The following TBC1D5 variants were observed in gnomAD, a reference collection of about 807,000 sequenced individuals.
The protein encoded by TBC1D5 is TBC1 domain family, member 5.
Under a neutral mutation model 100.3 loss-of-function variants are expected in TBC1D5, and 75 were observed. That is an observed-to-expected ratio of 0.75 (90% CI 0.62 to 0.91). The LOEUF (loss-of-function observed/expected upper bound fraction) is 0.91. Among genes scored for constraint, TBC1D5 ranks in the 40% least tolerant of loss-of-function variants. The probability of loss-of-function intolerance (pLI) is 0.00; values close to 1 mark genes in which losing one functional copy is unlikely to be tolerated. For synonymous variants in TBC1D5, 323 were observed against 325.6 expected, an observed-to-expected ratio of 0.99 and a Z score of 0.09; for missense variants, 910 against 942.4, an observed-to-expected ratio of 0.97 and a Z score of 0.45.
intron 13 of TBC1D5, among the ~76,000 whole-genome samples, chr3:17,358,535 C>T (rs575922254): frequency 1.6e-4 from 24 of 152,120 alleles, no homozygotes; most frequent in Non-Finnish European, 2.8e-4. Context: ...CTCCCATTGA[C>T]ATAATTAGGT....
chr3:17,224,801 T>G (rs1261472242), intron 17 of TBC1D5, among the ~76,000 whole-genome samples: 1 of 152,112 alleles, frequency 6.6e-6, no homozygotes, highest in Admixed American at 6.6e-5. Context: ...CACCCAGAGG[T>G]TTCTTTTGCA....
chr3:17,684,231 T>C (rs1274701786), intron 1 of TBC1D5, among the ~76,000 whole-genome samples: 3 of 152,086 alleles, frequency 2.0e-5, no homozygotes, highest in Non-Finnish European at 4.4e-5. Context: ...AATCCATGTA[T>C]ATAAATCAAA....
chr3:17,160,017 G>A (rs2065900275), exon 22 of TBC1D5: 2 of 152,182 alleles, frequency 1.3e-5, no homozygotes, highest in Admixed American at 6.5e-5. Flanking sequence ...GGTATATACA[G>A]CTCTGAAACC....
intron 13 of TBC1D5, among the ~76,000 whole-genome samples, chr3:17,326,906 T>C (rs2086225480): frequency 6.6e-6 from 1 of 152,074 alleles, no homozygotes; most frequent in South Asian, 2.1e-4. Flanking sequence ...AACCTTGGAG[T>C]CTTCATTGAT....
At chr3:17,563,547 C>A (rs2096573049) in intron 2 of TBC1D5, among the ~76,000 whole-genome samples, 1 of 152,092 alleles carries the variant, frequency 6.6e-6, no homozygotes. Context: ...CTGGAATTAT[C>A]AAAGTACATT....
At chr3:17,564,404 T>C (rs2096580926) in intron 2 of TBC1D5, among the ~76,000 whole-genome samples, 2 of 152,184 alleles carry the variant, frequency 1.3e-5, no homozygotes, top group African/African-American at 4.8e-5. Flanking sequence ...CTGAAAACAT[T>C]GGAGGCAAAA....
chr3:17,672,595 T>C (rs570141994), intron 1 of TBC1D5: 45 of 152,322 alleles, frequency 3.0e-4, no homozygotes, highest in African/African-American at 9.9e-4. Flanking sequence ...AAGATTTTTA[T>C]GTTTTTTTGT....
At chr3:17,310,779 CAT>C (rs1193887429) in intron 13 of TBC1D5, among the ~76,000 whole-genome samples, 3 of 151,952 alleles carry the variant, frequency 2.0e-5, no homozygotes, top group Admixed American at 6.6e-5. Flanking sequence ...ATAAGTTGTA[CAT>C]GAGAGGATAT....
intron 16 of TBC1D5, among the ~76,000 whole-genome samples, chr3:17,247,885 C>T (rs1055817899): frequency 5.3e-5 from 8 of 152,132 alleles, no homozygotes; most frequent in African/African-American, 1.9e-4. Flanking sequence ...TCTTCTATTA[C>T]AGTTTTATCA....
chr3:17,687,706 C>T (rs966910672), intron 1 of TBC1D5, among the ~76,000 whole-genome samples: 1 of 152,164 alleles, frequency 6.6e-6, no homozygotes, highest in East Asian at 1.9e-4. Flanking sequence ...ACATTGCAGG[C>T]AGCAGGAAGA....
At chr3:17,460,257 G>A (rs963758531) in intron 3 of TBC1D5, among the ~76,000 whole-genome samples, 2 of 152,158 alleles carry the variant, frequency 1.3e-5, no homozygotes, top group African/African-American at 4.8e-5. Context: ...AGCTTCAGAA[G>A]AGAAATTGAT....
chr3:17,455,454 GTGTGTATATATATGTGTA>G, intron 3 of TBC1D5, among the ~76,000 whole-genome samples: 1 of 145,652 alleles, frequency 6.9e-6, no homozygotes, highest in East Asian at 2.0e-4. Context: ...ATATATATGT[GTGTGTATATATATGTGTA>G]TATATATGTA....
At chr3:17,540,905 CAAAAA>C (rs71634807) in intron 2 of TBC1D5, among the ~76,000 whole-genome samples, 3 of 31,462 alleles carry the variant, frequency 9.5e-5, no homozygotes, top group East Asian at 2.0e-3. Context: ...GGCTCCATCT[CAAAAA>C]AAAAAAAAAA....
intron 1 of TBC1D5, among the ~76,000 whole-genome samples, chr3:17,647,263 A>T (rs1188491392): frequency 6.6e-6 from 1 of 152,140 alleles, no homozygotes; most frequent in Non-Finnish European, 1.5e-5. Flanking sequence ...AACCACAGAA[A>T]ACAAAGCAAA....
intron 1 of TBC1D5, among the ~76,000 whole-genome samples, chr3:17,636,649 A>G (rs1281369905): frequency 2.6e-5 from 4 of 151,904 alleles, no homozygotes; most frequent in Non-Finnish European, 5.9e-5. Flanking sequence ...ATAAAAAAAA[A>G]AATTAGCCAG....
At chr3:17,539,891 A>G (rs141136357) in intron 2 of TBC1D5, among the ~76,000 whole-genome samples, 1 of 152,258 alleles carries the variant, frequency 6.6e-6, no homozygotes, top group East Asian at 1.9e-4. Context: ...TGGAAATTCT[A>G]TTTTCAATAT....
chr3:17,535,875 C>T (rs1358708003), intron 2 of TBC1D5, among the ~76,000 whole-genome samples: 1 of 151,956 alleles, frequency 6.6e-6, no homozygotes, highest in Admixed American at 6.6e-5. Flanking sequence ...TAATTAAAAA[C>T]ATTATGGCAA....
intron 15 of TBC1D5, among the ~76,000 whole-genome samples, chr3:17,266,905 A>G (rs2078904487): frequency 6.6e-6 from 1 of 152,106 alleles, no homozygotes; most frequent in Admixed American, 6.6e-5. Context: ...AAAAAAGAAA[A>G]TTTAGAAGAG....
chr3:17,343,290 ACCAGCCTTGCATC>A (rs2089303619), intron 13 of TBC1D5, among the ~76,000 whole-genome samples: 1 of 151,296 alleles, frequency 6.6e-6, no homozygotes, highest in Non-Finnish European at 1.5e-5. Context: ...CGTATATTGA[ACCAGCCTTGCATC>A]CCAGGGATGA....
Sources: gnomAD v4.1 joint callset for allele counts (sites outside exome capture counted in the v4.1 genomes callset) on GRCh38, gnomAD v4.1.1 for gene constraint, MANE v1.5 for transcripts, NCBI Gene and HGNC (gene_info 2026-07-23, HGNC 2026-07-21) for gene names.